QTMAN: variants seen among roughly 807,000 people sequenced by gnomAD.
QTMAN encodes the protein queuosine-tRNA mannosyltransferase.
chr2:144,112,985 T>TA, the QTMAN span, among the ~76,000 whole-genome samples: 1 of 151,872 alleles, frequency 6.6e-6, no homozygotes, highest in Non-Finnish European at 1.5e-5. Context: ...AGGAGGCCTG[T>TA]AAAAAAACCC....
chr2:144,067,299 T>C, the QTMAN span, among the ~76,000 whole-genome samples: 1 of 152,228 alleles, frequency 6.6e-6, no homozygotes, highest in Non-Finnish European at 1.5e-5. Context: ...TAAGGTTTTT[T>C]AAATTGGCTC....
At chr2:144,072,684 C>A in the QTMAN span, among the ~76,000 whole-genome samples, 1 of 152,206 alleles carries the variant, frequency 6.6e-6, no homozygotes, top group Admixed American at 6.5e-5. Flanking sequence ...CAGAATCAGA[C>A]AACAGAGAGC....
At chr2:144,225,501 T>C in the QTMAN span, among the ~76,000 whole-genome samples, 2 of 152,146 alleles carry the variant, frequency 1.3e-5, no homozygotes. Context: ...TACAATTTGG[T>C]TCCAAGCTCC....
At chr2:144,313,566 C>A in the QTMAN span, among the ~76,000 whole-genome samples, 1 of 151,954 alleles carries the variant, frequency 6.6e-6, no homozygotes, top group South Asian at 2.1e-4. Context: ...CAAATTTTAC[C>A]TTAAAGATTA....
At chr2:144,289,585 G>A in the QTMAN span, among the ~76,000 whole-genome samples, 5 of 152,268 alleles carry the variant, frequency 3.3e-5, no homozygotes, top group East Asian at 1.9e-4. Flanking sequence ...AGTGAGGGCC[G>A]GGGGAGAAAA....
At chr2:144,177,945 T>C in the QTMAN span, among the ~76,000 whole-genome samples, 1 of 152,240 alleles carries the variant, frequency 6.6e-6, no homozygotes, top group Non-Finnish European at 1.5e-5. Flanking sequence ...TTTACAATTA[T>C]AATACATCTA....
the QTMAN span, among the ~76,000 whole-genome samples, chr2:144,110,888 G>A: frequency 6.6e-6 from 1 of 152,122 alleles, no homozygotes; most frequent in Non-Finnish European, 1.5e-5. Flanking sequence ...TTAAGTCTCT[G>A]ATTCTCACAT....
At chr2:144,239,225 A>T in the QTMAN span, among the ~76,000 whole-genome samples, 423 of 152,310 alleles carry the variant, frequency 2.8e-3, 2 homozygotes, top group African/African-American at 9.3e-3. Flanking sequence ...CAATATAGAA[A>T]CGTATTTCAT....
the QTMAN span, among the ~76,000 whole-genome samples, chr2:144,079,352 G>C: frequency 1.3e-5 from 2 of 152,078 alleles, no homozygotes; most frequent in Non-Finnish European, 2.9e-5. Context: ...TTTTACTGAT[G>C]ATTTCTTTGC....
At chr2:144,064,980 C>T in the QTMAN span, among the ~76,000 whole-genome samples, 1 of 152,156 alleles carries the variant, frequency 6.6e-6, no homozygotes, top group Non-Finnish European at 1.5e-5. Flanking sequence ...CAAGGGCCAA[C>T]ACATGAAATG....
the QTMAN span, chr2:143,957,131 G>A: frequency 3.8e-4 from 479 of 1,257,152 alleles, 1 homozygote; most frequent in African/African-American, 5.6e-3. Context: ...AAATAACAGC[G>A]AACACACATA....
chr2:144,288,421 A>C, the QTMAN span, among the ~76,000 whole-genome samples: 1 of 152,248 alleles, frequency 6.6e-6, no homozygotes, highest in Admixed American at 6.5e-5. Context: ...TTTACAATTC[A>C]TATCTGTTGT....
At chr2:144,157,717 C>A in the QTMAN span, among the ~76,000 whole-genome samples, 1 of 151,800 alleles carries the variant, frequency 6.6e-6, no homozygotes. Context: ...CTTGAGACCA[C>A]AAATATCCAC....
At chr2:144,197,131 CTG>C in the QTMAN span, among the ~76,000 whole-genome samples, 1 of 152,104 alleles carries the variant, frequency 6.6e-6, no homozygotes, top group Admixed American at 6.6e-5. Context: ...CAGCATGTTA[CTG>C]TATTTAATAT....
chr2:143,979,262 G>C, the QTMAN span, among the ~76,000 whole-genome samples: 1 of 151,940 alleles, frequency 6.6e-6, no homozygotes, highest in African/African-American at 2.4e-5. Context: ...TATACAATGT[G>C]ATCAACAGAA....
At chr2:144,107,631 A>G in the QTMAN span, among the ~76,000 whole-genome samples, 2 of 152,162 alleles carry the variant, frequency 1.3e-5, no homozygotes, top group African/African-American at 2.4e-5. Flanking sequence ...CAACCCAAAA[A>G]AGTCCAGGAC....
chr2:144,048,815 T>C, the QTMAN span, among the ~76,000 whole-genome samples: 22 of 143,440 alleles, frequency 1.5e-4, no homozygotes, highest in South Asian at 4.3e-3. Flanking sequence ...CGCACACACA[T>C]GCATACACAC....
At chr2:144,056,799 G>A in the QTMAN span, among the ~76,000 whole-genome samples, 1 of 152,192 alleles carries the variant, frequency 6.6e-6, no homozygotes, top group Non-Finnish European at 1.5e-5. Flanking sequence ...CGTGAACCTG[G>A]CTTTGAGAAT....
chr2:144,297,968 T>C, the QTMAN span, among the ~76,000 whole-genome samples: 1 of 151,964 alleles, frequency 6.6e-6, no homozygotes, highest in East Asian at 1.9e-4. Flanking sequence ...ATTATACCAA[T>C]GGTAAAGACC....
Sources: gnomAD v4.1 joint callset for allele counts (sites outside exome capture counted in the v4.1 genomes callset) on GRCh38, gnomAD v4.1.1 for gene constraint, MANE v1.5 for transcripts, NCBI Gene and HGNC (gene_info 2026-07-23, HGNC 2026-07-21) for gene names.